The following UNKL variants were observed in gnomAD, a reference collection of about 807,000 sequenced individuals.
The protein encoded by UNKL is unk like zinc finger.
In UNKL, 60 loss-of-function variants were observed where a neutral mutation model predicts 78.0. The ratio of observed to expected loss-of-function variants is 0.77; its 90% CI spans 0.63 to 0.95. The LOEUF (loss-of-function observed/expected upper bound fraction) is 0.95, where lower values mean the gene tolerates loss of function less well. Among genes scored for constraint, UNKL ranks in the 40% least tolerant of loss-of-function variants. The pLI, the probability that UNKL is intolerant of heterozygous loss-of-function variation, is 0.00. For synonymous variants in UNKL, 608 were observed against 474.8 expected (o/e 1.28, Z -3.65); for missense variants, 1,159 against 1,045.7 (o/e 1.11, Z -1.49).
chr16:1,413,742 G>A (rs1003424124), intron 2 of UNKL, 104 bp downstream of exon 2: 9 of 1,261,008 alleles, frequency 7.1e-6, no homozygotes, highest in Middle Eastern at 2.8e-4. Flanking sequence ...CTCTGCAGGG[G>A]CCAGGTATGG....
chr16:1,371,118 G>A (rs1453131088), intron 11 of UNKL, among the ~76,000 whole-genome samples: 1 of 151,890 alleles, frequency 6.6e-6, no homozygotes, highest in African/African-American at 2.4e-5. Context: ...CATTTGTATG[G>A]ATGTCAATCT....
rs371070292 is a variant in UNKL at position 1,389,681 on chromosome 16, C to T, written c.1086+951G>A. On this transcript the variant is annotated intron_variant, in intron 9 of 14. Transcript: ENST00000389221. The stretch of plus-strand genomic sequence containing the variant: ...CAGGAAGAGACCCCAGGGATGCCCA[C>T]GCACAGAGGGGTGACCCCAGAGGAC... Among the ~76,000 whole-genome samples, 43 of 152,356 alleles carry T rather than the reference C, an allele frequency of 2.8e-4. 1 individual carries two copies. In the East Asian group the frequency reaches 7.5e-3, roughly 27 times the overall value.
chr16:1,409,855 CG>C (rs1238075745), intron 2 of UNKL, among the ~76,000 whole-genome samples: 1 of 151,782 alleles, frequency 6.6e-6, no homozygotes, highest in Non-Finnish European at 1.5e-5. Context: ...CCAAGGCTAG[CG>C]GATCACCTGA....
chr16:1,410,876 A>G (rs2038010453), intron 2 of UNKL, among the ~76,000 whole-genome samples: 1 of 152,222 alleles, frequency 6.6e-6, no homozygotes, highest in South Asian at 2.1e-4. Flanking sequence ...CTTGAAGTAC[A>G]TCACCATCCT....
intron 12 of UNKL, 149 bp from the exon 13 acceptor site, chr16:1,368,007 C>T (rs2035451894): frequency 1.6e-5 from 11 of 686,674 alleles, no homozygotes; most frequent in Admixed American, 5.7e-5. Context: ...ACGCCTGCCC[C>T]TTGCCCCACT....
Position 1,366,342 on chromosome 16 carries a change from G to A in UNKL, c.2100C>T (p.His700=), listed in dbSNP as rs376005241. Residue 700 remains histidine, a synonymous_variant, in exon 15 of 15, where the codon CAC becomes CAT. Transcript: ENST00000389221. ...GCTGACAGGGCCGCAGGACAGCACC[G>A]TGGGCCCGCTCCCGGCAGGCCACAC... ...KQCVACRERA[H]GAVLRPCQHH... is the part of the protein sequence containing the mutation. 1.0e-5 allele frequency: 16 copies of A among 1,604,462 alleles called. No individual in the cohort carries two copies. Among genetic ancestry groups the A allele is most frequent in the South Asian group, 6.7e-5 (6 of 89,754 alleles).
At chr16:1,401,206 G>C in intron 4 of UNKL, 1 of 190,306 alleles carries the variant, frequency 5.3e-6, no homozygotes, top group Admixed American at 6.2e-5. Flanking sequence ...GGTGGGCTGG[G>C]GGCTCTGCTG....
At chr16:1,381,188 A>C (rs893949786) in intron 10 of UNKL, among the ~76,000 whole-genome samples, 1 of 152,248 alleles carries the variant, frequency 6.6e-6, no homozygotes, top group African/African-American at 2.4e-5. Context: ...GAGTGAGCAC[A>C]GTCCAAGATG....
At chr16:1,369,953 C>G in intron 12 of UNKL, 177 bp downstream of exon 12, 1 of 1,549,496 alleles carries the variant, frequency 6.5e-7, no homozygotes, top group Non-Finnish European at 8.7e-7. Flanking sequence ...CCAACCTGGG[C>G]GACAGAGCGA....
rs114145489 is a variant in UNKL, at chr16:1,374,607, G to A, written c.1265-2996C>T. 9.2e-3 allele frequency among the ~76,000 whole-genome samples: 1,396 copies of A among 152,104 alleles called. 23 individuals carry two copies. Among genetic ancestry groups the A allele is most frequent in the African/African-American group, 0.031 (1,297 of 41,464 alleles). On this transcript the variant is annotated intron_variant, in intron 10 of 14. Coordinates refer to ENST00000389221, the MANE Select transcript of UNKL (RefSeq NM_001372107.1). ...TGGGGCCCAGCAGAAGCAAAGAGGC[G>A]GTCACTGCCCCACCTACCCGACATC... is the stretch of plus-strand genomic sequence containing the variant.
Position 1,387,519 on chromosome 16 carries a change from G to A in UNKL, c.1087-2134C>T, listed in dbSNP as rs552594437. On this transcript the variant is annotated intron_variant, in intron 9 of 14. Transcript: ENST00000389221. The surrounding 1 kb of genome is among the most constrained non-coding windows in gnomAD (Gnocchi z 4.1). Reference sequence around the variant, plus strand: ...CACACCTGGGAGCTCCTTGTACCCCGATGGCTTGGATCGGGGAGGGAGCCG... The same window carrying A: ...CACACCTGGGAGCTCCTTGTACCCCAATGGCTTGGATCGGGGAGGGAGCCG... 1.4e-4 allele frequency among the ~76,000 whole-genome samples: 22 copies of A among 152,270 alleles called. No individual in the cohort carries two copies. In the East Asian group the frequency reaches 2.9e-3, roughly 20 times the overall value.
chr16:1,371,353 C>T (rs1001043695), intron 11 of UNKL, among the ~76,000 whole-genome samples, 166 bp downstream of exon 11: 2 of 152,152 alleles, frequency 1.3e-5, no homozygotes, highest in East Asian at 1.9e-4. Context: ...CCTCCCGCTC[C>T]GAAAACCAGA....
At chr16:1,389,515 G>A (rs1020807310) in intron 9 of UNKL, among the ~76,000 whole-genome samples, 3 of 152,198 alleles carry the variant, frequency 2.0e-5, no homozygotes, top group African/African-American at 4.8e-5. Flanking sequence ...GTCCCGGGCT[G>A]CAGTGAGCTG....
At position 1,367,689 on chromosome 16, in the gene UNKL, C is replaced by A; in HGVS notation, c.1755G>T (p.Arg585=). The A allele has an allele frequency of 1.3e-6, 2 of 1,580,352 alleles. No individual in the cohort carries two copies. Among genetic ancestry groups the A allele is most frequent in the Non-Finnish European group, 1.7e-6 (2 of 1,164,228 alleles). The change falls in exon 13 of 15, where the codon CGG becomes CGT. Residue 585 remains arginine (R), a synonymous_variant. Transcript: ENST00000389221. ...CCTGCTGCCAGGACTCCTCCCACTG[C>A]CGGATCTTCCTCTTGGCCTCGTCCA... ...RQLDEAKRKI[R]QWEESWQQVK...
chr16:1,363,691 CTGAGGCCATGGCCACCAAGACAGGTGAG>C lies in UNKL; in HGVS notation c.*2521_*2548del, dbSNP rs2035016653. ...TGCCTCAGCCACCTAGGAGCCATCCCTGAGGCCATGGCCACCAAGACAGGTGAGGGAGGCCCCAGGGCACACAGCCCCA... is the reference window on the plus strand; with the variant it reads ...TGCCTCAGCCACCTAGGAGCCATCCCGGAGGCCCCAGGGCACACAGCCCCA... On this transcript the variant is annotated 3_prime_UTR_variant, in exon 15 of 15. Transcript: ENST00000389221. 1 of 170,308 alleles carries C rather than the reference CTGAGGCCATGGCCACCAAGACAGGTGAG, an allele frequency of 5.9e-6. No individual in the cohort carries two copies. The highest frequency in any genetic ancestry group is 1.4e-4 in the South Asian group (1 of 7,260). The allele number at this position is 170,308 out of a possible 1,614,324, so 10.5% of individuals were successfully genotyped here.
intron 6 of UNKL, among the ~76,000 whole-genome samples, chr16:1,396,577 AAT>A (rs2034607406): frequency 6.6e-6 from 1 of 151,306 alleles, no homozygotes; most frequent in South Asian, 2.1e-4. Context: ...GCCTGGCCTG[AAT>A]ATATATATTT....
In UNKL at chr16:1,387,140, A is replaced by G. The variant is rs980425875; in HGVS notation, c.1087-1755T>C. ...GCACCGGGGACCCTCCCAGCCATGC[A>G]GCACCGGGGACCCTCCCAGCCATGC... On this transcript the variant is annotated intron_variant, in intron 9 of 14. Coordinates refer to ENST00000389221, the MANE Select transcript of UNKL (RefSeq NM_001372107.1). The surrounding 1 kb of genome is among the most constrained non-coding windows in gnomAD (Gnocchi z 4.1). 6.6e-6 allele frequency among the ~76,000 whole-genome samples: 1 copy of G among 151,718 alleles called. No homozygotes were observed. Among genetic ancestry groups the G allele is most frequent in the Non-Finnish European group, 1.5e-5 (1 of 67,884 alleles).
chr16:1,371,312 AGAG>A (rs896558018), intron 11 of UNKL, among the ~76,000 whole-genome samples: 4 of 152,130 alleles, frequency 2.6e-5, no homozygotes, highest in Non-Finnish European at 5.9e-5. Context: ...GCAGTCAGGG[AGAG>A]GAGGAGGAGG....
At chr16:1,367,400 C>T in intron 13 of UNKL, 51 bp from the exon 14 acceptor site, 14 of 1,500,796 alleles carry the variant, frequency 9.3e-6, no homozygotes, top group Non-Finnish European at 1.2e-5. Flanking sequence ...GTGCCACCTG[C>T]AGACCCTCTT....
Sources: gnomAD v4.1 joint callset for allele counts (sites outside exome capture counted in the v4.1 genomes callset) on GRCh38, gnomAD v4.1.1 for gene constraint, Gnocchi (gnomAD v3.1) non-coding constraint, MANE v1.5 for transcripts, NCBI Gene and HGNC (gene_info 2026-07-23, HGNC 2026-07-21) for gene names.